The following LUZP2 variants were observed in gnomAD, a reference collection of about 807,000 sequenced individuals.
LUZP2 encodes leucine zipper protein 2.
LUZP2 carries 52 observed loss-of-function variants against 51.6 expected under a neutral mutation model. The observed-to-expected ratio is 1.01, with a 90% CI of 0.81 to 1.27. The LOEUF (loss-of-function observed/expected upper bound fraction) is 1.27. Ranked by LOEUF, LUZP2 falls within the 50% of genes most tolerant of loss-of-function variation. The pLI is 0.00. For synonymous variants in LUZP2, 154 were observed against 137.3 expected, an observed-to-expected ratio of 1.12 and a Z score of -0.85; for missense variants, 436 against 395.4, an observed-to-expected ratio of 1.10 and a Z score of -0.87.
intron 5 of LUZP2, among the ~76,000 whole-genome samples, chr11:24,880,157 T>C (rs1007140207): frequency 6.6e-6 from 1 of 152,198 alleles, no homozygotes; most frequent in Non-Finnish European, 1.5e-5. Context: ...GATTCCCCTC[T>C]GGCTAGGACT....
At chr11:24,984,544 A>ATT (rs1856135017) in intron 9 of LUZP2, among the ~76,000 whole-genome samples, 2 of 106,290 alleles carry the variant, frequency 1.9e-5, no homozygotes, top group African/African-American at 8.1e-5. Context: ...ATATATATAT[A>ATT]TATATAATTG....
At chr11:24,871,725 C>G (rs1183550556) in intron 5 of LUZP2, among the ~76,000 whole-genome samples, 1 of 151,662 alleles carries the variant, frequency 6.6e-6, no homozygotes, top group African/African-American at 2.4e-5. Flanking sequence ...TCCCTATAAA[C>G]TACAGTAAAA....
chr11:24,636,359 T>C (rs772189722), intron 1 of LUZP2, among the ~76,000 whole-genome samples: 43 of 152,166 alleles, frequency 2.8e-4, no homozygotes, highest in African/African-American at 1.0e-3. Flanking sequence ...AGCTAAGGCA[T>C]AGATAGCATG....
intron 5 of LUZP2, among the ~76,000 whole-genome samples, chr11:24,774,196 G>A (rs1352872071): frequency 6.6e-6 from 1 of 151,518 alleles, no homozygotes; most frequent in Non-Finnish European, 1.5e-5. Flanking sequence ...TCCTGTGCTG[G>A]ATGCTTCCTG....
intron 5 of LUZP2, among the ~76,000 whole-genome samples, chr11:24,869,567 C>T (rs1298512060): frequency 3.3e-5 from 5 of 152,030 alleles, no homozygotes; most frequent in African/African-American, 9.7e-5. Context: ...AGTGATTCTC[C>T]TGCCTCAGCC....
intron 9 of LUZP2, among the ~76,000 whole-genome samples, chr11:25,040,343 A>ATTGTTTTTTTTTTTTTT (rs1858011819): frequency 2.0e-5 from 2 of 98,828 alleles, no homozygotes; most frequent in Non-Finnish European, 3.6e-5. Context: ...TTTCTTTCCG[A>ATTGTTTTTTTTTTTTTT]TTTTTTTTTT....
At chr11:24,799,232 G>T (rs545109664) in intron 5 of LUZP2, among the ~76,000 whole-genome samples, 1 of 152,176 alleles carries the variant, frequency 6.6e-6, no homozygotes, top group Non-Finnish European at 1.5e-5. Flanking sequence ...AGGTAGGAAA[G>T]TATTACCTTA....
intron 2 of LUZP2, among the ~76,000 whole-genome samples, chr11:24,731,468 A>G (rs887608690): frequency 8.6e-5 from 13 of 151,764 alleles, no homozygotes; most frequent in Middle Eastern, 3.2e-3. Context: ...TTCTCTTGCA[A>G]GAAAAAGCTC....
At chr11:24,667,790 G>A (rs1048313452) in intron 1 of LUZP2, among the ~76,000 whole-genome samples, 2 of 152,184 alleles carry the variant, frequency 1.3e-5, no homozygotes, top group African/African-American at 4.8e-5. Context: ...AGGGCTTGGA[G>A]AATGCTTCTA....
chr11:24,920,862 A>T (rs892039516), intron 7 of LUZP2, among the ~76,000 whole-genome samples: 1 of 152,146 alleles, frequency 6.6e-6, no homozygotes, highest in Non-Finnish European at 1.5e-5. Context: ...TATTTGAGTG[A>T]TGGATACACT....
At chr11:24,991,394 G>A (rs35236087) in intron 9 of LUZP2, among the ~76,000 whole-genome samples, 36,253 of 103,096 alleles carry the variant, frequency 0.35, 7,114 homozygotes, top group East Asian at 0.72. Context: ...GTGTGTGTGT[G>A]TGTATATATA....
At chr11:24,599,478 A>G (rs1011830037) in intron 1 of LUZP2, among the ~76,000 whole-genome samples, 1 of 152,164 alleles carries the variant, frequency 6.6e-6, no homozygotes, top group African/African-American at 2.4e-5. Context: ...TGCAATTGAC[A>G]ACCCTTGTAT....
chr11:24,797,851 G>A (rs1849587728), intron 5 of LUZP2, among the ~76,000 whole-genome samples: 1 of 152,140 alleles, frequency 6.6e-6, no homozygotes, highest in Admixed American at 6.5e-5. Flanking sequence ...ATGGACAAAA[G>A]TTGAGTACAC....
chr11:24,769,903 T>C (rs142122656), intron 5 of LUZP2, among the ~76,000 whole-genome samples: 11,893 of 151,554 alleles, frequency 0.078, 1,026 homozygotes, highest in African/African-American at 0.21. Context: ...AGCAATTCTC[T>C]TGCCCCAGCC....
rs192230119 is a variant in LUZP2 at position 24,987,622 on chromosome 11, G to A, written c.765+4329G>A. ...GGAAAAGGATGATTTGTTAATTTTT[G>A]TTTAAATGTGTTGTAAATGCCAAAG... On this transcript the variant is annotated intron_variant, in intron 9 of 11. Coordinates refer to ENST00000336930, the MANE Select transcript of LUZP2 (RefSeq NM_001009909.4). Among the ~76,000 whole-genome samples the A allele has an allele frequency of 4.5e-4, 68 of 151,954 alleles. 1 individual carries two copies. The East Asian group carries it at 0.013, about 30-fold the overall frequency.
chr11:24,948,948 T>C (rs180995063), intron 7 of LUZP2, among the ~76,000 whole-genome samples: 183 of 151,598 alleles, frequency 1.2e-3, no homozygotes, highest in Non-Finnish European at 2.3e-3. Flanking sequence ...AATATATGTT[T>C]ACAGAAAAGC....
At chr11:24,722,859 G>A (rs1020542600) in intron 1 of LUZP2, among the ~76,000 whole-genome samples, 1 of 151,766 alleles carries the variant, frequency 6.6e-6, no homozygotes, top group African/African-American at 2.4e-5. Flanking sequence ...GGAGGTTGCA[G>A]TGAGCCGATA....
At chr11:24,581,449 T>G (rs1852851062) in intron 1 of LUZP2, among the ~76,000 whole-genome samples, 2 of 151,970 alleles carry the variant, frequency 1.3e-5, no homozygotes, top group African/African-American at 4.8e-5. Context: ...GGCAGGAGGA[T>G]CACTTGAGGC....
At chr11:25,037,021 C>T (rs753357465) in intron 9 of LUZP2, among the ~76,000 whole-genome samples, 2 of 152,112 alleles carry the variant, frequency 1.3e-5, no homozygotes, top group Non-Finnish European at 2.9e-5. Flanking sequence ...TAGCTTTCTG[C>T]CTCGATGATC....
Sources: allele counts gnomAD v4.1 joint callset (sites outside exome capture counted in the v4.1 genomes callset), GRCh38; gene constraint gnomAD v4.1.1; transcripts MANE v1.5; gene names NCBI Gene and HGNC (gene_info 2026-07-23, HGNC 2026-07-21).